TBL2: variants seen among roughly 807,000 people sequenced by gnomAD.
TBL2 encodes transducin beta-like protein 2.
TBL2 carries 33 observed loss-of-function variants against 41.8 expected under a neutral mutation model. That is an observed-to-expected ratio of 0.79 (90% confidence interval 0.60 to 1.06). The LOEUF (loss-of-function observed/expected upper bound fraction) is 1.06. TBL2 is among the 50% of genes least tolerant of loss of function. The probability of loss-of-function intolerance (pLI) is 0.00; values close to 1 mark genes in which losing one functional copy is unlikely to be tolerated. For synonymous variants in TBL2, 239 were observed against 241.7 expected (o/e 0.99, Z 0.10); for missense variants, 522 against 603.8 (o/e 0.86, Z 1.42).
At chr7:73,574,243 C>A in intron 2 of TBL2, 121 bp from the exon 3 acceptor site, 1 of 1,519,478 alleles carries the variant, frequency 6.6e-7, no homozygotes, top group Non-Finnish European at 8.9e-7. Flanking sequence ...GATTGGGCTG[C>A]GATGAGAGGG....
intron 1 of TBL2, 82 bp from the exon 2 acceptor site, chr7:73,574,595 G>A (rs781802663): frequency 1.3e-6 from 2 of 1,588,568 alleles, no homozygotes. Flanking sequence ...GGCATTGAGT[G>A]GAACAGCAGG....
At chr7:73,575,948 G>A (rs781838132) in intron 1 of TBL2, among the ~76,000 whole-genome samples, 2 of 151,980 alleles carry the variant, frequency 1.3e-5, no homozygotes, top group African/African-American at 4.8e-5. Flanking sequence ...GGCTGAGGAG[G>A]GAAAATTGCT....
chr7:73,573,854 C>G (rs868990530), intron 3 of TBL2, 84 bp downstream of exon 3: 11 of 1,535,052 alleles, frequency 7.2e-6, no homozygotes, highest in Middle Eastern at 4.8e-4. Flanking sequence ...CAGGTCCCTC[C>G]TCACTACCTC....
Position 73,570,463 on chromosome 7 carries a change from C to A in TBL2, c.*44G>T, listed in dbSNP as rs1200257005. Reference sequence around the variant, plus strand: ...AGATGGCAGCAGTGCCATGAGGAGGCCAGATCCCTCCTCCTCAATCCTCTG... The same window carrying A: ...AGATGGCAGCAGTGCCATGAGGAGGACAGATCCCTCCTCCTCAATCCTCTG... On this transcript the variant is annotated 3_prime_UTR_variant, in exon 7 of 7. Coordinates refer to ENST00000305632, the MANE Select transcript of TBL2 (RefSeq NM_012453.4). The A allele has an allele frequency of 2.1e-6, 3 of 1,450,354 alleles. No homozygotes were observed. The highest frequency in any genetic ancestry group is 1.4e-5 in the African/African-American group (1 of 69,926). 89.8% of individuals were successfully genotyped at this position (1,450,354 alleles called of 1,614,324 possible).
chr7:73,578,236 T>G, intron 1 of TBL2, 184 bp downstream of exon 1: 2 of 1,528,360 alleles, frequency 1.3e-6, no homozygotes, highest in South Asian at 2.4e-5. Flanking sequence ...CCCCAGGAGG[T>G]GCGCCTAACC....
At chr7:73,571,444 T>G in intron 5 of TBL2, 103 bp from the exon 6 acceptor site, 1 of 1,500,872 alleles carries the variant, frequency 6.7e-7, no homozygotes, top group Non-Finnish European at 9.1e-7. Flanking sequence ...TCCTCATATC[T>G]GGATAATATA....
intron 1 of TBL2, among the ~76,000 whole-genome samples, chr7:73,577,489 G>C (rs887703758): frequency 3.3e-5 from 5 of 152,116 alleles, no homozygotes; most frequent in African/African-American, 9.7e-5. Context: ...CAGAAGAATC[G>C]CTTGAACCTG....
At chr7:73,574,992 C>T (rs1372632246) in intron 1 of TBL2, among the ~76,000 whole-genome samples, 1 of 152,172 alleles carries the variant, frequency 6.6e-6, no homozygotes. Flanking sequence ...TGGGCGGGTA[C>T]ACAGCACGGC....
rs1367758670 is a variant in TBL2, at chr7:73,567,689, A to G, written c.*2818T>C. ...TGGCCTCTGCTCTATGTTAATATCC[A>G]GACACCTTCTCTGTGGTTACAAGAG... On this transcript the variant is annotated 3_prime_UTR_variant, in exon 7 of 7. Coordinates refer to ENST00000305632, the MANE Select transcript of TBL2 (RefSeq NM_012453.4). Among the ~76,000 whole-genome samples, 1 of 152,160 alleles carries G rather than the reference A, an allele frequency of 6.6e-6. No individual in the cohort carries two copies. The highest frequency in any genetic ancestry group is 6.5e-5 in the Admixed American group (1 of 15,280).
Position 73,569,205 on chromosome 7 carries a change from T to C in TBL2, c.*1302A>G, listed in dbSNP as rs1367935080. On this transcript the variant is annotated 3_prime_UTR_variant, in exon 7 of 7. Coordinates refer to ENST00000305632, the MANE Select transcript of TBL2 (RefSeq NM_012453.4). ...AACAGCCTCAGGATGTCACATGGAG[T>C]GTAACCAAAAGAACGTTCTGGTGAA... is the stretch of plus-strand genomic sequence containing the variant. The C allele has an allele frequency of 6.6e-6, 1 of 151,858 alleles. No homozygotes were observed. Among genetic ancestry groups the C allele is most frequent in the Non-Finnish European group, 1.5e-5 (1 of 67,988 alleles). The allele number at this position is 151,858 out of a possible 1,614,324, so 9.4% of individuals were successfully genotyped here.
rs149685073 is a variant in TBL2, at chr7:73,570,742, C to T, written c.1109G>A (p.Arg370Gln). The change falls in exon 7 of 7, where the codon CGG (arginine) becomes CAG (glutamine). Residue 370 changes from arginine to glutamine, a missense_variant. Coordinates refer to ENST00000305632, the MANE Select transcript of TBL2 (RefSeq NM_012453.4). ...RRGEKEECFE[R>Q]VHGECIANLS... ...GTTGGCGATACACTCGCCATGGACCCGCTCAAAGCACTCCTCCTTCTCGCC... is the reference window on the plus strand; with the variant it reads ...GTTGGCGATACACTCGCCATGGACCTGCTCAAAGCACTCCTCCTTCTCGCC... 4.6e-5 allele frequency: 75 copies of T among 1,614,100 alleles called. No individual in the cohort carries two copies. The highest frequency in any genetic ancestry group is 6.7e-5 in the East Asian group (3 of 44,898).
chr7:73,571,109 T>C, intron 6 of TBL2, 80 bp downstream of exon 6: 1 of 1,601,914 alleles, frequency 6.2e-7, no homozygotes, highest in Non-Finnish European at 8.5e-7. Context: ...TTCAGAGCCA[T>C]GGCACAAACA....
rs1554588167 is a variant in TBL2, at chr7:73,573,353, C to T, written c.565G>A (p.Ala189Thr). ...GCAATGCCAATGTCGATGACAGGCGCCTTGTGCTTTTTAGGGAAGTCCTCT... is the reference window on the plus strand; with the variant it reads ...GCAATGCCAATGTCGATGACAGGCGTCTTGTGCTTTTTAGGGAAGTCCTCT... Reference protein sequence around the residue: ...TPEDFPKKHKAPVIDIGIANT... With the variant: ...TPEDFPKKHKTPVIDIGIANT... Residue 189 changes from alanine to threonine, a missense_variant, in exon 4 of 7, where the codon GCG becomes ACG. Physicochemically the swap from Ala to Thr is moderately conservative, Grantham distance 58. Coordinates refer to ENST00000305632, the MANE Select transcript of TBL2 (RefSeq NM_012453.4). 1 of 1,614,184 alleles carries T rather than the reference C, an allele frequency of 6.2e-7. No homozygotes were observed. Among genetic ancestry groups the T allele is most frequent in the South Asian group, 1.1e-5 (1 of 91,084 alleles).
chr7:73,576,151 G>A (rs539965257), intron 1 of TBL2, among the ~76,000 whole-genome samples: 13 of 152,030 alleles, frequency 8.6e-5, no homozygotes, highest in South Asian at 6.2e-4. Flanking sequence ...GGCCGGGTGC[G>A]GTGGCTCATG....
chr7:73,571,521 C>T, intron 5 of TBL2, 180 bp from the exon 6 acceptor site: 2 of 728,082 alleles, frequency 2.7e-6, no homozygotes, highest in Non-Finnish European at 4.3e-6. Context: ...CTTTGGGAGG[C>T]CGAGGTGGGT....
rs1584024301 is a variant in TBL2, at chr7:73,571,304, C to A, written c.763G>T (p.Val255Phe). ...ASCGFTPDVK[V>F]WEVCFGKKGE... ...TTCTTTCCAAAGCAGACTTCCCAAA[C>A]CTTCACATCTGGGGTGAAGCCACAC... The change falls in exon 6 of 7, where the codon GTT (valine) becomes TTT (phenylalanine). Residue 255 changes from valine to phenylalanine, a missense_variant. Transcript: ENST00000305632. 3 of 1,614,246 alleles carry A rather than the reference C, an allele frequency of 1.9e-6. No individual in the cohort carries two copies. Among genetic ancestry groups the A allele is most frequent in the South Asian group, 1.1e-5 (1 of 91,090 alleles).
In TBL2 at chr7:73,569,623, TC is replaced by T. The variant is rs1792800161; in HGVS notation, c.*883del. The T allele has an allele frequency of 6.6e-6, 1 of 152,176 alleles. No individual in the cohort carries two copies. Among genetic ancestry groups the T allele is most frequent in the Non-Finnish European group, 1.5e-5 (1 of 68,032 alleles). 9.4% of individuals were successfully genotyped at this position (152,176 alleles called of 1,614,324 possible). On this transcript the variant is annotated 3_prime_UTR_variant, in exon 7 of 7. Transcript: ENST00000305632. ...AGCACTTAATAAGGGTGTATCTCTC[TC>T]TCCCACCAGCCATCTTTGATGGCAG...
chr7:73,578,327 C>A, intron 1 of TBL2, 93 bp downstream of exon 1: 1 of 1,536,130 alleles, frequency 6.5e-7, no homozygotes. Flanking sequence ...CGCCGGGCCC[C>A]ACCAGCCGCG....
chr7:73,572,997 C>A (rs529902292), intron 4 of TBL2, 27 bp from the exon 5 acceptor site: 1 of 1,613,794 alleles, frequency 6.2e-7, no homozygotes, highest in South Asian at 1.1e-5. Context: ...TGATGTGGGT[C>A]ACGGGCAGTG....
Sources: allele counts gnomAD v4.1 joint callset (sites outside exome capture counted in the v4.1 genomes callset), GRCh38; gene constraint gnomAD v4.1.1; transcripts MANE v1.5; gene names NCBI Gene and HGNC (gene_info 2026-07-23, HGNC 2026-07-21).